Variants in SNX9 observed in about 807,000 individuals in gnomAD.
SNX9 encodes the protein sorting nexin 9, also known as sorting nexin-9.
SNX9 carries 44 observed loss-of-function variants against 89.4 expected under a neutral mutation model. That is an observed-to-expected ratio of 0.49 (90% confidence interval 0.39 to 0.63). The LOEUF (loss-of-function observed/expected upper bound fraction) is 0.63, where lower values mean the gene tolerates loss of function less well. Ranked by LOEUF, SNX9 falls within the 30% of genes least tolerant of loss-of-function variation. SNX9 has a pLI of 0.00. For missense variants in SNX9, 578 were observed against 736.1 expected, an observed-to-expected ratio of 0.79 and a Z score of 2.49; for synonymous variants, 236 against 247.8, an observed-to-expected ratio of 0.95 and a Z score of 0.45.
chr6:157,918,661 T>G (rs756233537), intron 9 of SNX9, among the ~76,000 whole-genome samples: 2 of 152,192 alleles, frequency 1.3e-5, no homozygotes, highest in Non-Finnish European at 2.9e-5. Context: ...TGTGTTTGCT[T>G]CTTTTTCCTC....
intron 7 of SNX9, among the ~76,000 whole-genome samples, chr6:157,908,701 G>A (rs1478631017): frequency 6.6e-6 from 1 of 152,174 alleles, no homozygotes; most frequent in Non-Finnish European, 1.5e-5. Context: ...CAGACCTATT[G>A]TCACCTAGCA....
intron 1 of SNX9, among the ~76,000 whole-genome samples, chr6:157,849,626 G>A (rs958474099): frequency 6.6e-6 from 1 of 152,210 alleles, no homozygotes; most frequent in Non-Finnish European, 1.5e-5. Flanking sequence ...GGGATGGAGA[G>A]AAGTGAGTAG....
At chr6:157,893,607 T>TG (rs1483040535) in intron 4 of SNX9, among the ~76,000 whole-genome samples, 13 of 90,500 alleles carry the variant, frequency 1.4e-4, no homozygotes, top group African/African-American at 5.0e-4. Context: ...ACTAGCACCA[T>TG]TTGTGTGTGT....
At position 157,904,348 on chromosome 6, in the gene SNX9, C is replaced by T. The variant is rs149238573; in HGVS notation, c.621-1780C>T. Among the ~76,000 whole-genome samples, 309 of 152,180 alleles carry T rather than the reference C, an allele frequency of 2.0e-3. 6 individuals are homozygous for T. In the East Asian group the frequency reaches 0.053, roughly 26 times the overall value. On this transcript the variant is annotated intron_variant, in intron 6 of 17. Transcript: ENST00000392185. ...ACTTGGAAGGCTCAGGCAGGAGAAT[C>T]GCTTGAACCCGGGAGACGGAGGTTG...
intron 14 of SNX9, among the ~76,000 whole-genome samples, chr6:157,936,480 G>T (rs1267881104): frequency 6.6e-6 from 1 of 152,152 alleles, no homozygotes; most frequent in Non-Finnish European, 1.5e-5. Flanking sequence ...CTGCACTCCA[G>T]CCTGGGTGAC....
chr6:157,833,165 G>A (rs185594831), intron 1 of SNX9, among the ~76,000 whole-genome samples: 201 of 152,170 alleles, frequency 1.3e-3, no homozygotes, highest in Non-Finnish European at 2.1e-3. Context: ...AAATTTAGAC[G>A]TATGTATAAA....
In SNX9 at chr6:157,823,468, C is replaced by T. The variant is rs1405289135; in HGVS notation, c.12+22C>T. 1 of 1,194,212 alleles carries T rather than the reference C, an allele frequency of 8.4e-7. No homozygotes were observed. Among genetic ancestry groups the T allele is most frequent in the Non-Finnish European group, 1.0e-6 (1 of 966,008 alleles). 74.0% of individuals were successfully genotyped at this position (1,194,212 alleles called of 1,614,324 possible). On this transcript the variant is annotated intron_variant, in intron 1 of 17. Coordinates refer to ENST00000392185, the MANE Select transcript of SNX9 (RefSeq NM_016224.5). This position sits in a 1 kb window ranked among gnomAD's most constrained non-coding sequence, Gnocchi z 4.6. ...CAAGGTGAGGGGCGCGCGGCGCAGGCCGGGCCGGTCGCTCAGGCCCGGGGC... is the reference window on the plus strand; with the variant it reads ...CAAGGTGAGGGGCGCGCGGCGCAGGTCGGGCCGGTCGCTCAGGCCCGGGGC...
At chr6:157,884,030 C>G (rs1782682366) in intron 4 of SNX9, among the ~76,000 whole-genome samples, 1 of 152,092 alleles carries the variant, frequency 6.6e-6, no homozygotes, top group Non-Finnish European at 1.5e-5. Flanking sequence ...TATTAAAAGA[C>G]TTACAGATTT....
At chr6:157,914,463 CTTTTTCTTTT>C (rs1385806995) in intron 9 of SNX9, among the ~76,000 whole-genome samples, 19 of 96,632 alleles carry the variant, frequency 2.0e-4, no homozygotes, top group Non-Finnish European at 2.9e-4. Context: ...TTGTCATTTT[CTTTTTCTTTT>C]TTTTTTTTTT....
intron 2 of SNX9, among the ~76,000 whole-genome samples, chr6:157,870,336 A>G (rs929894577): frequency 6.6e-6 from 1 of 150,474 alleles, no homozygotes; most frequent in African/African-American, 2.5e-5. Context: ...ACCTGCGCTC[A>G]CACTCACACT....
At position 157,927,293 on chromosome 6, in the gene SNX9, C is replaced by T. The variant is rs144201668; in HGVS notation, c.1184+79C>T. Reference sequence around the variant, plus strand: ...GCCATCAGGCTTCAGCCAGTGTAGCCGCAGCCGAAACTCAAATCAGACTAG... The same window carrying T: ...GCCATCAGGCTTCAGCCAGTGTAGCTGCAGCCGAAACTCAAATCAGACTAG... On this transcript the variant is annotated intron_variant, in intron 11 of 17. Transcript: ENST00000392185. The T allele has an allele frequency of 6.5e-4, 641 of 990,356 alleles. 2 individuals are homozygous for T. In the African/African-American group the frequency reaches 8.8e-3, roughly 14 times the overall value. The allele number at this position is 990,356 out of a possible 1,614,324, so 61.3% of individuals were successfully genotyped here.
chr6:157,942,648 C>G, intron 17 of SNX9, 143 bp from the exon 18 acceptor site: 1 of 828,692 alleles, frequency 1.2e-6, no homozygotes, highest in South Asian at 1.7e-5. Flanking sequence ...AGCAGCAACG[C>G]GGGGCAGGGC....
chr6:157,903,392 A>G (rs1783147077), intron 6 of SNX9, among the ~76,000 whole-genome samples: 1 of 152,138 alleles, frequency 6.6e-6, no homozygotes, highest in Non-Finnish European at 1.5e-5. Flanking sequence ...TTGACTGCAC[A>G]CTTTTGCTGC....
intron 1 of SNX9, among the ~76,000 whole-genome samples, chr6:157,835,125 G>A (rs1384911393): frequency 6.6e-6 from 1 of 152,078 alleles, no homozygotes; most frequent in African/African-American, 2.4e-5. Context: ...CAGTTCTCCT[G>A]CCTCAGCCTC....
At chr6:157,937,328 T>G in intron 14 of SNX9, 106 bp from the exon 15 acceptor site, 1 of 710,326 alleles carries the variant, frequency 1.4e-6, no homozygotes. Flanking sequence ...ACTCAATAAT[T>G]TAGTGTAGCA....
At chr6:157,835,204 G>A (rs1781559935) in intron 1 of SNX9, among the ~76,000 whole-genome samples, 1 of 151,970 alleles carries the variant, frequency 6.6e-6, no homozygotes, top group Non-Finnish European at 1.5e-5. Flanking sequence ...GTGGAGATGG[G>A]GTTTCACCAT....
intron 4 of SNX9, among the ~76,000 whole-genome samples, chr6:157,895,819 C>G (rs547967917): frequency 6.6e-6 from 1 of 152,086 alleles, no homozygotes; most frequent in African/African-American, 2.4e-5. Flanking sequence ...CAGGCCAAAC[C>G]AGAATGGAGT....
intron 12 of SNX9, 113 bp from the exon 13 acceptor site, chr6:157,932,082 A>T (rs1224607362): frequency 2.4e-6 from 2 of 831,712 alleles, no homozygotes; most frequent in Non-Finnish European, 4.0e-6. Context: ...GTGAAGGAAT[A>T]TATAGACTAT....
rs572516045 is a variant in SNX9, at chr6:157,866,405, C to T, written c.13-1142C>T. Reference sequence around the variant, plus strand: ...CCTAGGCAACATGGTGAAACCTTATCTCTACAAAAAATACAAAAATTAGCT... The same window carrying T: ...CCTAGGCAACATGGTGAAACCTTATTTCTACAAAAAATACAAAAATTAGCT... On this transcript the variant is annotated intron_variant, in intron 1 of 17. Coordinates refer to ENST00000392185, the MANE Select transcript of SNX9 (RefSeq NM_016224.5). 4.6e-5 allele frequency among the ~76,000 whole-genome samples: 7 copies of T among 152,228 alleles called. No individual in the cohort carries two copies. The South Asian group carries it at 1.2e-3, about 27-fold the overall frequency.
Sources: allele counts gnomAD v4.1 joint callset (sites outside exome capture counted in the v4.1 genomes callset), GRCh38; gene constraint gnomAD v4.1.1; non-coding constraint Gnocchi (gnomAD v3.1); transcripts MANE v1.5; gene names NCBI Gene and HGNC (gene_info 2026-07-23, HGNC 2026-07-21).